Variants in PDE4D observed in about 807,000 individuals in gnomAD.
PDE4D encodes the protein phosphodiesterase 4D.
A neutral mutation model predicts 87.4 loss-of-function variants in PDE4D; 24 were observed. The observed-to-expected ratio is 0.27, with a 90% confidence interval of 0.20 to 0.39. The LOEUF (loss-of-function observed/expected upper bound fraction) is 0.39. Among genes scored for constraint, PDE4D ranks in the 10% least tolerant of loss-of-function variants. The pLI is 1.00. For missense variants in PDE4D, 714 were observed against 1,041.0 expected (o/e 0.69, Z 4.32); for synonymous variants, 384 against 383.2 (o/e 1.00, Z -0.02).
In PDE4D at chr5:59,535,675, C is replaced by T. The variant is rs150942511; in HGVS notation, c.456-319707G>A. ...AATTTCTTTGCTTTTACCTTTAACA[C>T]GTGGGCTATAAAATTGTCTATAAAA... On this transcript the variant is annotated intron_variant, in intron 1 of 14. Coordinates refer to ENST00000340635, the MANE Select transcript of PDE4D (RefSeq NM_001104631.2). Among the ~76,000 whole-genome samples the T allele has an allele frequency of 9.1e-4, 138 of 152,218 alleles. 1 individual carries two copies. Among genetic ancestry groups the T allele is most frequent in the African/African-American group, 3.0e-3 (124 of 41,554 alleles).
chr5:60,233,566 T>C (rs1484620803), intron 1 of PDE4D, among the ~76,000 whole-genome samples: 2 of 151,770 alleles, frequency 1.3e-5, no homozygotes, highest in Non-Finnish European at 3.0e-5. Flanking sequence ...CATTTCCTTT[T>C]TTTTTTTACA....
chr5:60,110,619 A>T (rs761145480), intron 2 of PDE4D, among the ~76,000 whole-genome samples: 1 of 152,126 alleles, frequency 6.6e-6, no homozygotes, highest in Non-Finnish European at 1.5e-5. Context: ...TAAAAATAGA[A>T]CTAACATATG....
chr5:59,688,920 T>C (rs188003855), intron 1 of PDE4D, among the ~76,000 whole-genome samples: 2,085 of 151,844 alleles, frequency 0.014, 50 homozygotes, highest in African/African-American at 0.048. Flanking sequence ...TACAAACTAC[T>C]ATCAGAGAAT....
intron 1 of PDE4D, among the ~76,000 whole-genome samples, chr5:59,820,455 A>T (rs1581253515): frequency 6.6e-6 from 1 of 152,208 alleles, no homozygotes. Context: ...AGAGGAAGAA[A>T]ACTGCCTGGA....
At chr5:59,827,296 C>T (rs1770438808) in intron 1 of PDE4D, among the ~76,000 whole-genome samples, 1 of 151,998 alleles carries the variant, frequency 6.6e-6, no homozygotes, top group Non-Finnish European at 1.5e-5. Context: ...GAGCCAGAAT[C>T]TCTTAATGCA....
chr5:60,431,398 T>G (rs532641309), intron 1 of PDE4D, among the ~76,000 whole-genome samples: 129 of 147,598 alleles, frequency 8.7e-4, no homozygotes, highest in Non-Finnish European at 1.7e-3. Flanking sequence ...CCAGACGGGT[T>G]CGCGGCCGGG....
intron 1 of PDE4D, among the ~76,000 whole-genome samples, chr5:59,517,756 T>A (rs954177308): frequency 6.6e-5 from 10 of 152,218 alleles, no homozygotes; most frequent in Non-Finnish European, 1.5e-4. Flanking sequence ...GCAGGTGATC[T>A]AGGAGTGTTA....
chr5:59,046,539 ATG>A (rs35264771), intron 5 of PDE4D, among the ~76,000 whole-genome samples: 71,160 of 143,326 alleles, frequency 0.5, 17,320 homozygotes, highest in East Asian at 0.82. Flanking sequence ...GTTATTGAAG[ATG>A]TGTGTGTGTG....
chr5:59,771,499 G>GAGAGAGAAGA (rs1554081503), intron 1 of PDE4D, among the ~76,000 whole-genome samples: 1 of 19,730 alleles, frequency 5.1e-5, no homozygotes, highest in African/African-American at 1.4e-4. Context: ...GAGAGAGAGA[G>GAGAGAGAAGA]AAGAAAGAAA....
In PDE4D at chr5:59,285,921, G is replaced by A. The variant is rs1272929553; in HGVS notation, c.456-69953C>T. On this transcript the variant is annotated intron_variant, in intron 1 of 14. Transcript: ENST00000340635. ...CCAGTCTTTAAGAACCTTATCTGGA[G>A]CCACTACTAAGTGTTGTCCAATCTG... 2.6e-5 allele frequency among the ~76,000 whole-genome samples: 4 copies of A among 152,164 alleles called. No individual in the cohort carries two copies. The East Asian group carries it at 7.7e-4, about 29-fold the overall frequency.
chr5:60,067,377 G>A (rs568274968), intron 2 of PDE4D, among the ~76,000 whole-genome samples: 14 of 152,112 alleles, frequency 9.2e-5, no homozygotes, highest in African/African-American at 3.4e-4. Flanking sequence ...ATATCAGGAA[G>A]GAAGATGAAT....
chr5:60,085,530 G>A (rs2152906771), intron 2 of PDE4D, among the ~76,000 whole-genome samples: 1 of 152,246 alleles, frequency 6.6e-6, no homozygotes, highest in East Asian at 1.9e-4. Flanking sequence ...TTGATAATGG[G>A]AGAAAGAAAC....
chr5:60,468,517 C>T (rs1747568254), intron 1 of PDE4D, among the ~76,000 whole-genome samples: 1 of 152,042 alleles, frequency 6.6e-6, no homozygotes, highest in Non-Finnish European at 1.5e-5. Context: ...ATTGCCCACT[C>T]AACAAAAATT....
intron 1 of PDE4D, among the ~76,000 whole-genome samples, chr5:59,806,074 A>C (rs1767698444): frequency 6.6e-6 from 1 of 152,036 alleles, no homozygotes; most frequent in Non-Finnish European, 1.5e-5. Context: ...CTGTTTCGTT[A>C]TCTCAGAATC....
intron 5 of PDE4D, among the ~76,000 whole-genome samples, chr5:59,060,891 C>T (rs190576823): frequency 4.7e-4 from 71 of 152,136 alleles, no homozygotes; most frequent in Non-Finnish European, 1.3e-4. Context: ...ACTTGGAAAT[C>T]ATTCCAGCCT....
chr5:60,344,532 CTACTAAG>C (rs1421075850), intron 1 of PDE4D, among the ~76,000 whole-genome samples: 1 of 152,116 alleles, frequency 6.6e-6, no homozygotes, highest in Non-Finnish European at 1.5e-5. Flanking sequence ...TTCTGATTCT[CTACTAAG>C]TACTCTTTCC....
At position 59,077,643 on chromosome 5, in the gene PDE4D, T is replaced by C. The variant is rs534212572; in HGVS notation, c.809-38672A>G. ...CCACCACGCCTGGCTAATTTTTGTA[T>C]TGATTTTCAAGATTTGTCAAGAGCT... On this transcript the variant is annotated intron_variant, in intron 5 of 14. Coordinates refer to ENST00000340635, the MANE Select transcript of PDE4D (RefSeq NM_001104631.2). Among the ~76,000 whole-genome samples the C allele has an allele frequency of 1.7e-4, 26 of 152,124 alleles. No homozygotes were observed. The South Asian group carries it at 3.7e-3, about 22-fold the overall frequency.
chr5:59,046,754 T>G (rs1430851142), intron 5 of PDE4D, among the ~76,000 whole-genome samples: 1 of 152,168 alleles, frequency 6.6e-6, no homozygotes, highest in Non-Finnish European at 1.5e-5. Flanking sequence ...TGAGCTGACA[T>G]AAGAGAAGAG....
At chr5:59,549,388 C>G (rs1817757083) in intron 1 of PDE4D, among the ~76,000 whole-genome samples, 1 of 152,106 alleles carries the variant, frequency 6.6e-6, no homozygotes. Context: ...TTACTGTTAG[C>G]TAGAAATAAG....
Sources: allele counts gnomAD v4.1 joint callset (sites outside exome capture counted in the v4.1 genomes callset), GRCh38; gene constraint gnomAD v4.1.1; transcripts MANE v1.5; gene names NCBI Gene and HGNC (gene_info 2026-07-23, HGNC 2026-07-21).